SARAF: variants seen among roughly 807,000 people sequenced by gnomAD.
SARAF encodes the protein store-operated calcium entry associated regulatory factor.
SARAF carries 23 observed loss-of-function variants against 39.7 expected under a neutral mutation model. That is an observed-to-expected ratio of 0.58 (90% CI 0.42 to 0.82). The LOEUF (loss-of-function observed/expected upper bound fraction) is 0.82, where lower values mean the gene tolerates loss of function less well. Ranked by LOEUF, SARAF falls within the 40% of genes least tolerant of loss-of-function variation. The pLI, the probability that SARAF is intolerant of heterozygous loss-of-function variation, is 0.00. For missense variants in SARAF, 384 were observed against 418.5 expected (o/e 0.92, Z 0.72); for synonymous variants, 175 against 168.5 (o/e 1.04, Z -0.30).
chr8:30,064,139 C>T (rs1306531831), intron 5 of SARAF, among the ~76,000 whole-genome samples: 1 of 152,078 alleles, frequency 6.6e-6, no homozygotes, highest in Non-Finnish European at 1.5e-5. Context: ...CTGGGAATGA[C>T]AGTTAGGACC....
intron 2 of SARAF, chr8:30,073,565 C>CG (rs1801892547): frequency 4.5e-6 from 1 of 221,842 alleles, no homozygotes; most frequent in South Asian, 1.1e-4. Context: ...CTTTGAGGAA[C>CG]GACAGGAAAA....
chr8:30,078,479 T>C (rs562700756), intron 1 of SARAF, among the ~76,000 whole-genome samples: 6 of 152,168 alleles, frequency 3.9e-5, no homozygotes, highest in African/African-American at 1.2e-4. Flanking sequence ...ACAAGCCATA[T>C]AGAAAAGATA....
rs199754185 is a variant in SARAF at position 30,069,838 on chromosome 8, C to A, written c.504G>T (p.Ala168=). The change falls in exon 3 of 6, where the codon GCG becomes GCT. Residue 168 remains alanine, a synonymous_variant. Coordinates refer to ENST00000256255, the MANE Select transcript of SARAF (RefSeq NM_016127.6). ...FSDYYYKWSS[A]DSCNMSGLIT... is the part of the protein sequence containing the mutation. ...TCAATCCACTCATGTTACAGGAATC[C>A]GCCGAGGACCACTTATAATAATAAT... 1 of 1,614,098 alleles carries A rather than the reference C, an allele frequency of 6.2e-7. No homozygotes were observed. Among genetic ancestry groups the A allele is most frequent in the Non-Finnish European group, 8.5e-7 (1 of 1,180,006 alleles).
chr8:30,064,557 A>T (rs370423677), intron 5 of SARAF, among the ~76,000 whole-genome samples: 42,857 of 50,546 alleles, frequency 0.85, 18,325 homozygotes, highest in South Asian at 0.93. Flanking sequence ...ATATATATAT[A>T]TATATTTTTT....
chr8:30,065,628 A>C (rs536428858), intron 5 of SARAF: 58 of 212,800 alleles, frequency 2.7e-4, no homozygotes, highest in South Asian at 1.8e-3. Flanking sequence ...AAATTAAAGT[A>C]TACCTCAATA....
chr8:30,071,334 G>C (rs1002570666), intron 2 of SARAF, among the ~76,000 whole-genome samples: 1 of 152,212 alleles, frequency 6.6e-6, no homozygotes, highest in Non-Finnish European at 1.5e-5. Flanking sequence ...CTGGGTGACA[G>C]AGGGAGACTC....
chr8:30,066,836 T>C lies in SARAF; in HGVS notation c.783A>G (p.Pro261=), dbSNP rs776707904. The change falls in exon 4 of 6, where the codon CCA becomes CCG. Residue 261 remains proline (P), a synonymous_variant. Coordinates refer to ENST00000256255, the MANE Select transcript of SARAF (RefSeq NM_016127.6). ...CAGTTCCCAAGCCTGTCCAGAACCC[T>C]GGTCCTGAATTTTCATATCCTTGTT... ...TGQQGYENSG[P]GFWTGLGTGG... is the part of the protein sequence containing the mutation. 1.1e-5 allele frequency: 18 copies of C among 1,614,066 alleles called. No homozygotes were observed. Among genetic ancestry groups the C allele is most frequent in the Non-Finnish European group, 1.4e-5 (16 of 1,180,032 alleles).
intron 2 of SARAF, chr8:30,073,605 A>T (rs1801893100): frequency 9.2e-6 from 3 of 327,294 alleles, no homozygotes; most frequent in East Asian, 5.8e-5. Flanking sequence ...CCTATCCCTC[A>T]CCCTCAAGTA....
At chr8:30,064,585 A>G (rs190277376) in intron 5 of SARAF, among the ~76,000 whole-genome samples, 1,354 of 25,032 alleles carry the variant, frequency 0.054, 61 homozygotes, top group African/African-American at 0.19. Flanking sequence ...TTTTTGAGAC[A>G]GAGTTTTGCT....
At chr8:30,070,503 T>A (rs1220087186) in intron 2 of SARAF, among the ~76,000 whole-genome samples, 1 of 152,312 alleles carries the variant, frequency 6.6e-6, no homozygotes, top group South Asian at 2.1e-4. Context: ...TAAGTATTCA[T>A]GTCTAAGGGA....
chr8:30,079,369 CCACCTAAAG>C (rs766006596), intron 1 of SARAF, among the ~76,000 whole-genome samples: 124 of 152,128 alleles, frequency 8.2e-4, no homozygotes, highest in South Asian at 6.2e-4. Context: ...ACAAGAAAAT[CCACCTAAAG>C]CTATATAAAA....
chr8:30,069,331 C>A (rs1036143451), intron 3 of SARAF, among the ~76,000 whole-genome samples: 3 of 151,648 alleles, frequency 2.0e-5, no homozygotes, highest in African/African-American at 7.3e-5. Context: ...GTAAGAACGG[C>A]GTTTTACCAT....
chr8:30,068,204 T>G (rs1801735828), intron 3 of SARAF, among the ~76,000 whole-genome samples: 1 of 152,158 alleles, frequency 6.6e-6, no homozygotes. Flanking sequence ...CGACTGAAGC[T>G]TCATCTCTAT....
intron 1 of SARAF, among the ~76,000 whole-genome samples, chr8:30,078,809 A>AT (rs988925217): frequency 8.6e-5 from 13 of 151,470 alleles, no homozygotes; most frequent in African/African-American, 1.5e-4. Context: ...CCTGTGGACA[A>AT]TTTTTTTTTG....
intron 4 of SARAF, 61 bp from the exon 5 acceptor site, chr8:30,066,200 T>C: frequency 6.6e-7 from 1 of 1,515,400 alleles, no homozygotes; most frequent in Non-Finnish European, 9.0e-7. Flanking sequence ...TTTAAATACC[T>C]TCCTGTTCCT....
chr8:30,075,316 AT>A (rs532327476), intron 1 of SARAF, among the ~76,000 whole-genome samples: 3,861 of 141,354 alleles, frequency 0.027, 168 homozygotes, highest in African/African-American at 0.095. Flanking sequence ...AAAAAAAAAA[AT>A]GAATTTCTAT....
chr8:30,073,019 T>C (rs746890368), intron 2 of SARAF, among the ~76,000 whole-genome samples: 24 of 152,200 alleles, frequency 1.6e-4, no homozygotes, highest in Non-Finnish European at 2.5e-4. Flanking sequence ...ATAAGTAAAG[T>C]GGAGTGAGAC....
chr8:30,070,193 C>T (rs572277270), intron 2 of SARAF, 134 bp from the exon 3 acceptor site: 32 of 743,994 alleles, frequency 4.3e-5, no homozygotes, highest in Admixed American at 2.5e-4. Context: ...GTGGATCACG[C>T]GGTCAGGAGT....
chr8:30,067,987 G>T (rs1447881953), intron 3 of SARAF, among the ~76,000 whole-genome samples: 1 of 152,108 alleles, frequency 6.6e-6, no homozygotes, highest in East Asian at 1.9e-4. Context: ...TTGGTACTCT[G>T]TCTTTTTAAT....
Sources: allele counts gnomAD v4.1 joint callset (sites outside exome capture counted in the v4.1 genomes callset), GRCh38; gene constraint gnomAD v4.1.1; transcripts MANE v1.5; gene names NCBI Gene and HGNC (gene_info 2026-07-23, HGNC 2026-07-21).